The following FAM200B variants were observed in gnomAD, a reference collection of about 807,000 sequenced individuals.
FAM200B encodes protein FAM200B.
Under a neutral mutation model 33.1 loss-of-function variants are expected in FAM200B, and 32 were observed. That is an observed-to-expected ratio of 0.97 (90% confidence interval 0.73 to 1.30). The LOEUF is 1.30. Ranked by LOEUF, FAM200B falls within the 50% of genes most tolerant of loss-of-function variation. The probability of loss-of-function intolerance (pLI) is 0.00; values close to 1 mark genes in which losing one functional copy is unlikely to be tolerated. For synonymous variants in FAM200B, 240 were observed against 264.8 expected (o/e 0.91, Z 0.91); for missense variants, 741 against 754.0 (o/e 0.98, Z 0.20).
chr4:15,638,011 G>T, the FAM200B span, among the ~76,000 whole-genome samples: 3 of 151,450 alleles, frequency 2.0e-5, no homozygotes, highest in South Asian at 2.1e-4. Context: ...GAATATTACT[G>T]GATACAAGCT....
the FAM200B span, chr4:15,644,768 A>G: frequency 8.3e-7 from 1 of 1,201,548 alleles, no homozygotes; most frequent in Non-Finnish European, 1.2e-6. Flanking sequence ...ACAAATAAAA[A>G]ATATTCAAAT....
chr4:15,640,932 A>C, the FAM200B span: 1 of 1,033,350 alleles, frequency 9.7e-7, no homozygotes, highest in African/African-American at 1.7e-5. Context: ...CGCTTCATTA[A>C]TTATGTCTGG....
At chr4:15,664,879 T>A in the FAM200B span, among the ~76,000 whole-genome samples, 1 of 152,034 alleles carries the variant, frequency 6.6e-6, no homozygotes, top group Non-Finnish European at 1.5e-5. Flanking sequence ...TATATAACCC[T>A]TATTTCTGCA....
At chr4:15,651,891 A>C in the FAM200B span, among the ~76,000 whole-genome samples, 1 of 152,196 alleles carries the variant, frequency 6.6e-6, no homozygotes. Context: ...TTCTCTCAGA[A>C]ATCAATTCAA....
chr4:15,645,849 T>C, the FAM200B span, among the ~76,000 whole-genome samples: 1 of 152,238 alleles, frequency 6.6e-6, no homozygotes, highest in African/African-American at 2.4e-5. Flanking sequence ...TAAATATTCA[T>C]TTTTTATAAA....
At chr4:15,675,034 G>A in the FAM200B span, among the ~76,000 whole-genome samples, 15 of 149,526 alleles carry the variant, frequency 1.0e-4, no homozygotes, top group East Asian at 2.5e-3. Context: ...TAGGAATCAC[G>A]AAAAAAAAAG....
intron 1 of FAM200B, among the ~76,000 whole-genome samples, chr4:15,683,761 C>T (rs373176568): frequency 2.6e-5 from 4 of 152,096 alleles, no homozygotes; most frequent in African/African-American, 4.8e-5. Flanking sequence ...TATTAGCCTT[C>T]GTCTTACATA....
the FAM200B span, among the ~76,000 whole-genome samples, chr4:15,676,549 A>T: frequency 1.3e-5 from 2 of 152,250 alleles, no homozygotes; most frequent in Non-Finnish European, 2.9e-5. Flanking sequence ...AACAAGTGTA[A>T]AAAACATTTT....
chr4:15,672,542 CA>C, the FAM200B span, among the ~76,000 whole-genome samples: 1 of 152,090 alleles, frequency 6.6e-6, no homozygotes. Flanking sequence ...TGTATCTAAA[CA>C]TAGAAAAGTT....
the FAM200B span, chr4:15,655,344 C>T: frequency 7.0e-6 from 9 of 1,286,940 alleles, no homozygotes; most frequent in Non-Finnish European, 9.1e-6. Flanking sequence ...CCATAGACAC[C>T]CTCGCCGCGG....
In FAM200B at chr4:15,689,008, CTA is replaced by C. The variant is rs1363995294; in HGVS notation, c.*59_*60del. 3.1e-6 allele frequency: 4 copies of C among 1,276,616 alleles called. No homozygotes were observed. The highest frequency in any genetic ancestry group is 2.7e-5 in the East Asian group (1 of 37,156). 79.1% of individuals were successfully genotyped at this position (1,276,616 alleles called of 1,614,324 possible). A position where few individuals can be genotyped will look rare whatever the true frequency, so the allele number is the denominator to read the frequency against. Reference sequence around the variant, plus strand: ...GTATTTCTTATTTTGTAGTATTTTTCTATGTTATATTTAAATGGTACTATAAT... The same window carrying C: ...GTATTTCTTATTTTGTAGTATTTTTCTGTTATATTTAAATGGTACTATAAT... On this transcript the variant is annotated 3_prime_UTR_variant, in exon 2 of 2. Coordinates refer to ENST00000422728, the MANE Select transcript of FAM200B (RefSeq NM_001145191.2).
chr4:15,644,470 G>A, the FAM200B span: 1 of 1,584,414 alleles, frequency 6.3e-7, no homozygotes, highest in Non-Finnish European at 8.7e-7. Context: ...TTTGACAGTT[G>A]AATATCCATT....
chr4:15,684,644 C>G (rs1481464904), intron 1 of FAM200B: 3 of 152,208 alleles, frequency 2.0e-5, no homozygotes, highest in Non-Finnish European at 4.4e-5. Context: ...TAGACTGCCT[C>G]AAGGCTGTGT....
chr4:15,641,492 T>C, the FAM200B span: 1 of 373,490 alleles, frequency 2.7e-6, no homozygotes, highest in Non-Finnish European at 5.2e-6. Flanking sequence ...TTCCGTATGA[T>C]GTTCTTAGTA....
the FAM200B span, among the ~76,000 whole-genome samples, chr4:15,667,839 C>T: frequency 6.6e-6 from 1 of 151,948 alleles, no homozygotes; most frequent in African/African-American, 2.4e-5. Context: ...GTCAGGAGTT[C>T]GAGACTAGCC....
the FAM200B span, among the ~76,000 whole-genome samples, chr4:15,652,991 T>C: frequency 6.6e-6 from 1 of 152,222 alleles, no homozygotes; most frequent in Non-Finnish European, 1.5e-5. Flanking sequence ...TCCTTTAAGA[T>C]TACTGAACCA....
At chr4:15,647,975 A>C in the FAM200B span, among the ~76,000 whole-genome samples, 1 of 152,262 alleles carries the variant, frequency 6.6e-6, no homozygotes, top group South Asian at 2.1e-4. Context: ...TGCTGGCCTC[A>C]GCCTTCCGAA....
the FAM200B span, among the ~76,000 whole-genome samples, chr4:15,650,661 CTTTTTTTTTTTTTTTTTT>C: frequency 3.9e-5 from 3 of 77,884 alleles, no homozygotes; most frequent in Non-Finnish European, 7.1e-5. Flanking sequence ...AACTGACTTT[CTTTTTTTTTTTTTTTTTT>C]TTTTTTGAGA....
chr4:15,644,664 A>T, the FAM200B span: 17 of 1,612,702 alleles, frequency 1.1e-5, no homozygotes, highest in African/African-American at 1.3e-5. Context: ...AAGACTGCAG[A>T]AGAGCACGGA....
Sources: allele counts gnomAD v4.1 joint callset (sites outside exome capture counted in the v4.1 genomes callset), GRCh38; gene constraint gnomAD v4.1.1; transcripts MANE v1.5; gene names NCBI Gene and HGNC (gene_info 2026-07-23, HGNC 2026-07-21).